Variants in SLC37A1 observed in about 807,000 individuals in gnomAD.
SLC37A1 encodes glucose-6-phosphate exchanger SLC37A1.
In SLC37A1, 49 loss-of-function variants were observed where a neutral mutation model predicts 75.3. That is an observed-to-expected ratio of 0.65 (90% CI 0.52 to 0.83). The LOEUF is 0.83. SLC37A1 is among the 40% of genes least tolerant of loss of function. The probability of loss-of-function intolerance (pLI) is 0.00; values close to 1 mark genes in which losing one functional copy is unlikely to be tolerated. For missense variants in SLC37A1, 566 were observed against 695.0 expected, an observed-to-expected ratio of 0.81 and a Z score of 2.09; for synonymous variants, 268 against 292.1, an observed-to-expected ratio of 0.92 and a Z score of 0.84.
Position 42,554,047 on chromosome 21 carries a change from T to C in SLC37A1, c.769-15T>C, listed in dbSNP as rs540846687. 26 of 1,267,074 alleles carry C rather than the reference T, an allele frequency of 2.1e-5. No individual in the cohort carries two copies. The East Asian group carries it at 7.2e-4, about 35-fold the overall frequency. The allele number at this position is 1,267,074 out of a possible 1,614,324, so 78.5% of individuals were successfully genotyped here. A position where few individuals can be genotyped will look rare whatever the true frequency, so the allele number is the denominator to read the frequency against. The stretch of plus-strand genomic sequence containing the variant: ...TGAATCAGTATCGCTCTAATGAAAC[T>C]TTTTTTTTTACCAGCACTCAAAAGG... On this transcript the variant is annotated splice_polypyrimidine_tract_variant and intron_variant, in intron 9 of 19. Coordinates refer to ENST00000352133, the MANE Select transcript of SLC37A1 (RefSeq NM_001320537.2).
chr21:42,532,931 T>G (rs2055027378), intron 3 of SLC37A1, among the ~76,000 whole-genome samples: 1 of 152,244 alleles, frequency 6.6e-6, no homozygotes, highest in Non-Finnish European at 1.5e-5. Flanking sequence ...AGCCCAGTGA[T>G]GACGGCAGAG....
At chr21:42,574,427 G>A (rs952923915) in intron 17 of SLC37A1, among the ~76,000 whole-genome samples, 2 of 152,188 alleles carry the variant, frequency 1.3e-5, no homozygotes, top group Admixed American at 6.5e-5. Flanking sequence ...GTACGGAGGC[G>A]TACAGGTGGA....
intron 17 of SLC37A1, among the ~76,000 whole-genome samples, chr21:42,572,608 G>T (rs376742813): frequency 1.1e-4 from 15 of 141,830 alleles, no homozygotes; most frequent in East Asian, 5.9e-4. Context: ...CCCTTTCAGT[G>T]CATCCTGTTT....
Position 42,518,296 on chromosome 21 carries a change from A to T in SLC37A1, c.-159A>T. 1.3e-6 allele frequency: 1 copy of T among 797,406 alleles called. No individual in the cohort carries two copies. The highest frequency in any genetic ancestry group is 2.1e-6 in the Non-Finnish European group (1 of 481,940). The allele number at this position is 797,406 out of a possible 1,614,324, so 49.4% of individuals were successfully genotyped here. ...TTGTAGAGAGCAGAGCCACTGCCAGAAGGAAGGGGACAAGACCCAGCAGGA... is the reference window on the plus strand; with the variant it reads ...TTGTAGAGAGCAGAGCCACTGCCAGTAGGAAGGGGACAAGACCCAGCAGGA... On this transcript the variant is annotated 5_prime_UTR_variant, in exon 2 of 20. Coordinates refer to ENST00000352133, the MANE Select transcript of SLC37A1 (RefSeq NM_001320537.2).
chr21:42,578,473 G>A (rs79536236), intron 18 of SLC37A1, among the ~76,000 whole-genome samples: 13,358 of 152,074 alleles, frequency 0.088, 810 homozygotes, highest in Non-Finnish European at 0.13. Context: ...AGGCCTCTTC[G>A]GGCTAGCACT....
chr21:42,516,576 A>C (rs1202367877), intron 1 of SLC37A1, among the ~76,000 whole-genome samples: 7 of 152,188 alleles, frequency 4.6e-5, no homozygotes, highest in African/African-American at 1.7e-4. Flanking sequence ...GCACATCTTA[A>C]CTGCACTCAC....
Position 42,548,122 on chromosome 21 carries a change from T to G in SLC37A1, c.768+982T>G, listed in dbSNP as rs2055461246. On this transcript the variant is annotated intron_variant, in intron 9 of 19. Coordinates refer to ENST00000352133, the MANE Select transcript of SLC37A1 (RefSeq NM_001320537.2). The surrounding 1 kb of genome is among the most constrained non-coding windows in gnomAD (Gnocchi z 5.6). ...TCTGTGCCGAGTGTCAGACCCCAGA[T>G]GTGGGGGTGCCCCCAGGCTGCCCTG... is the stretch of plus-strand genomic sequence containing the variant. Among the ~76,000 whole-genome samples the G allele has an allele frequency of 6.6e-6, 1 of 152,166 alleles. No homozygotes were observed. The highest frequency in any genetic ancestry group is 2.1e-4 in the South Asian group (1 of 4,838).
intron 2 of SLC37A1, 49 bp from the exon 3 acceptor site, chr21:42,525,727 A>G (rs1198628589): frequency 2.2e-6 from 3 of 1,367,160 alleles, no homozygotes; most frequent in Middle Eastern, 3.8e-4. Context: ...TATTCCTAAC[A>G]TAACTTCTGT....
intron 17 of SLC37A1, among the ~76,000 whole-genome samples, chr21:42,570,847 G>T (rs1242631768): frequency 6.6e-6 from 1 of 152,176 alleles, no homozygotes; most frequent in Non-Finnish European, 1.5e-5. Context: ...CCAAGCAGGT[G>T]GAGGGAGGCA....
chr21:42,519,237 G>A (rs1171756409), intron 2 of SLC37A1, among the ~76,000 whole-genome samples: 2 of 152,224 alleles, frequency 1.3e-5, no homozygotes, highest in African/African-American at 2.4e-5. Flanking sequence ...GTCCCTCAAA[G>A]GGGCATTTAG....
At chr21:42,521,800 A>G (rs1226384096) in intron 2 of SLC37A1, among the ~76,000 whole-genome samples, 4 of 152,276 alleles carry the variant, frequency 2.6e-5, no homozygotes, top group Admixed American at 6.5e-5. Context: ...TTTTATATTC[A>G]TAAGTCTAAA....
chr21:42,545,034 C>T lies in SLC37A1; in HGVS notation c.730+1432C>T, dbSNP rs546751643. ...GCTCAATGGCCGGGACCTCAGCACC[C>T]GCTCCAGGCATTCACGGCCCTATGT... On this transcript the variant is annotated intron_variant, in intron 8 of 19. Coordinates refer to ENST00000352133, the MANE Select transcript of SLC37A1 (RefSeq NM_001320537.2). This position sits in a 1 kb window ranked among gnomAD's most constrained non-coding sequence, Gnocchi z 4.0. Among the ~76,000 whole-genome samples the T allele has an allele frequency of 1.3e-5, 2 of 152,152 alleles. No homozygotes were observed. The highest frequency in any genetic ancestry group is 2.4e-5 in the African/African-American group (1 of 41,428).
At chr21:42,526,643 C>G (rs375132520) in intron 3 of SLC37A1, among the ~76,000 whole-genome samples, 2 of 152,148 alleles carry the variant, frequency 1.3e-5, no homozygotes, top group Non-Finnish European at 2.9e-5. Flanking sequence ...CAGCCCTGGT[C>G]GGCAGAGGCA....
chr21:42,556,759 T>C (rs959355138), intron 10 of SLC37A1, among the ~76,000 whole-genome samples: 1 of 152,104 alleles, frequency 6.6e-6, no homozygotes, highest in African/African-American at 2.4e-5. Flanking sequence ...TTGTTTGCTA[T>C]GTAAGGAGGA....
rs8128696 is a variant in SLC37A1, at chr21:42,579,639, G to A, written c.1522-97G>A. 4.9e-3 allele frequency: 6,133 copies of A among 1,264,230 alleles called. 196 individuals carry two copies. In the African/African-American group the frequency reaches 0.083, roughly 17 times the overall value. 78.3% of individuals were successfully genotyped at this position (1,264,230 alleles called of 1,614,324 possible). On this transcript the variant is annotated intron_variant, in intron 18 of 19. Transcript: ENST00000352133. ...AGGTGCTGTGGGGAGAGAGCCACCC[G>A]CCCAGGCCTTGCGGGCCAGGTCCTC...
Position 42,571,194 on chromosome 21 carries a change from C to CA in SLC37A1, c.1423+2758dup, listed in dbSNP as rs1215092975. Among the ~76,000 whole-genome samples, 88 of 152,298 alleles carry CA rather than the reference C, an allele frequency of 5.8e-4. 2 individuals carry two copies. Among genetic ancestry groups the CA allele is most frequent in the South Asian group, 1.0e-3 (5 of 4,830 alleles). ...CCAGTGGGAAGGCCACCATGTCAGC[C>CA]AAGTCCCTTCCCGAAGGAGGTGCCC... On this transcript the variant is annotated intron_variant, in intron 17 of 19. Coordinates refer to ENST00000352133, the MANE Select transcript of SLC37A1 (RefSeq NM_001320537.2).
chr21:42,511,701 T>G (rs1472097780), upstream of SLC37A1, among the ~76,000 whole-genome samples: 1 of 152,204 alleles, frequency 6.6e-6, no homozygotes, highest in Non-Finnish European at 1.5e-5. Flanking sequence ...GGAGGATCAC[T>G]TGGGCCTGGG....
Position 42,581,357 on chromosome 21 carries a change from CTGT to C in SLC37A1, c.*999_*1001del, listed in dbSNP as rs1384173408. On this transcript the variant is annotated 3_prime_UTR_variant, in exon 20 of 20. Coordinates refer to ENST00000352133, the MANE Select transcript of SLC37A1 (RefSeq NM_001320537.2). ...AAGACAAACTCCAATTGTTCTCTGGCTGTTTTTTTCAGTTGTGTCTAGCAAAAT... is the reference window on the plus strand; with the variant it reads ...AAGACAAACTCCAATTGTTCTCTGGCTTTTTTCAGTTGTGTCTAGCAAAAT... 1 of 152,562 alleles carries C rather than the reference CTGT, an allele frequency of 6.6e-6. No homozygotes were observed. Among genetic ancestry groups the C allele is most frequent in the African/African-American group, 2.4e-5 (1 of 41,428 alleles). 9.5% of individuals were successfully genotyped at this position (152,562 alleles called of 1,614,324 possible). A position where few individuals can be genotyped will look rare whatever the true frequency, so the allele number is the denominator to read the frequency against.
intron 11 of SLC37A1, chr21:42,561,733 AT>A (rs1265246672): frequency 4.2e-6 from 1 of 237,506 alleles, no homozygotes; most frequent in African/African-American, 2.2e-5. Context: ...AACGCCGTAG[AT>A]AAACAGGGCT....
Sources: gnomAD v4.1 joint callset for allele counts (sites outside exome capture counted in the v4.1 genomes callset) on GRCh38, gnomAD v4.1.1 for gene constraint, Gnocchi (gnomAD v3.1) non-coding constraint, MANE v1.5 for transcripts, NCBI Gene and HGNC (gene_info 2026-07-23, HGNC 2026-07-21) for gene names.